Variants in SDK1 observed in about 807,000 individuals in gnomAD.
SDK1 encodes the protein sidekick cell adhesion molecule 1, also known as protein sidekick-1.
SDK1 carries 157 observed loss-of-function variants against 245.5 expected under a neutral mutation model. The ratio of observed to expected loss-of-function variants is 0.64; its 90% confidence interval spans 0.56 to 0.73. The LOEUF (loss-of-function observed/expected upper bound fraction) is 0.73. SDK1 is among the 30% of genes least tolerant of loss of function. The pLI is 0.00. For synonymous variants in SDK1, 1,647 were observed against 1,278.5 expected (o/e 1.29, Z -6.15); for missense variants, 3,583 against 3,002.3 (o/e 1.19, Z -4.52).
chr7:4,061,358 G>C (rs577438903), intron 19 of SDK1, among the ~76,000 whole-genome samples: 2 of 152,004 alleles, frequency 1.3e-5, no homozygotes, highest in African/African-American at 2.4e-5. Flanking sequence ...GGTCCTTCAC[G>C]TCCCTTGAAA....
intron 4 of SDK1, among the ~76,000 whole-genome samples, chr7:3,779,616 A>G (rs1780665600): frequency 6.6e-6 from 1 of 152,190 alleles, no homozygotes; most frequent in Non-Finnish European, 1.5e-5. Flanking sequence ...CAACTAAACT[A>G]AAATATTCAA....
At chr7:3,486,374 A>G (rs905900354) in intron 1 of SDK1, among the ~76,000 whole-genome samples, 1 of 152,048 alleles carries the variant, frequency 6.6e-6, no homozygotes, top group African/African-American at 2.4e-5. Context: ...CCTGGGTTTC[A>G]AATGTGCTGG....
intron 1 of SDK1, among the ~76,000 whole-genome samples, chr7:3,452,818 C>T (rs559734178): frequency 3.3e-5 from 5 of 152,126 alleles, no homozygotes; most frequent in Non-Finnish European, 7.4e-5. Context: ...TGATAAGAGT[C>T]CAATTCCTCT....
At chr7:3,493,195 C>G (rs1781916633) in intron 1 of SDK1, among the ~76,000 whole-genome samples, 1 of 152,254 alleles carries the variant, frequency 6.6e-6, no homozygotes, top group African/African-American at 2.4e-5. Flanking sequence ...TCATAATCCT[C>G]ACACCTCGGC....
At chr7:3,503,897 A>T (rs1782301119) in intron 1 of SDK1, among the ~76,000 whole-genome samples, 1 of 152,026 alleles carries the variant, frequency 6.6e-6, no homozygotes, top group African/African-American at 2.4e-5. Flanking sequence ...CATGCCCGTA[A>T]TCCTAGCACT....
intron 19 of SDK1, among the ~76,000 whole-genome samples, chr7:4,064,848 G>T (rs575164424): frequency 1.6e-4 from 25 of 152,160 alleles, no homozygotes; most frequent in African/African-American, 4.6e-4. Context: ...AGCTTAAAAG[G>T]CCAATCTCAT....
chr7:4,092,772 G>A (rs1037578894), intron 22 of SDK1, among the ~76,000 whole-genome samples: 1 of 152,160 alleles, frequency 6.6e-6, no homozygotes, highest in Non-Finnish European at 1.5e-5. Flanking sequence ...GAACCCATCA[G>A]TTGGGTGTGG....
intron 4 of SDK1, among the ~76,000 whole-genome samples, chr7:3,685,571 T>C (rs1162014864): frequency 1.3e-5 from 2 of 152,210 alleles, no homozygotes; most frequent in African/African-American, 2.4e-5. Context: ...CAAACTTCTG[T>C]TGAGGTTCAT....
chr7:4,144,683 G>A (rs756065150), intron 28 of SDK1, among the ~76,000 whole-genome samples: 5 of 152,056 alleles, frequency 3.3e-5, no homozygotes, highest in Non-Finnish European at 5.9e-5. Context: ...GGGTTCACCC[G>A]GAACAGAGGC....
chr7:3,644,797 A>AAC (rs1554301841), intron 4 of SDK1, among the ~76,000 whole-genome samples: 14,838 of 127,972 alleles, frequency 0.12, 1,073 homozygotes, highest in Non-Finnish European at 0.18. Flanking sequence ...AAAAAACAAA[A>AAC]AACAACAACA....
chr7:3,522,514 T>G (rs1373326482), intron 1 of SDK1, among the ~76,000 whole-genome samples: 1 of 151,644 alleles, frequency 6.6e-6, no homozygotes, highest in African/African-American at 2.4e-5. Context: ...GGATGCAGGG[T>G]GTTTGTCTTG....
chr7:3,427,912 T>C (rs1289856641), intron 1 of SDK1, among the ~76,000 whole-genome samples: 1 of 137,708 alleles, frequency 7.3e-6, no homozygotes, highest in African/African-American at 3.1e-5. Context: ...CGTTAGTGTC[T>C]CTTAGATGTC....
At chr7:4,041,004 T>G (rs2128162337) in intron 17 of SDK1, among the ~76,000 whole-genome samples, 1 of 152,344 alleles carries the variant, frequency 6.6e-6, no homozygotes, top group Non-Finnish European at 1.5e-5. Context: ...CTGTTTTCTG[T>G]TAAAAGGGAA....
At chr7:4,231,718 C>A (rs1785782171) in intron 40 of SDK1, among the ~76,000 whole-genome samples, 1 of 152,186 alleles carries the variant, frequency 6.6e-6, no homozygotes, top group African/African-American at 2.4e-5. Flanking sequence ...GTCTATTCCT[C>A]ATTAACCTGT....
At chr7:4,242,599 A>G (rs974494760) in intron 43 of SDK1, among the ~76,000 whole-genome samples, 4 of 152,114 alleles carry the variant, frequency 2.6e-5, no homozygotes, top group African/African-American at 9.7e-5. Context: ...GGAAAAACCC[A>G]AACACCTGAG....
rs149723885 is a variant in SDK1, at chr7:3,598,414, T to G, written c.299-20666T>G. On this transcript the variant is annotated intron_variant, in intron 1 of 44. Transcript: ENST00000404826. ...TTTTTATTTTTATTTTATTTTGAGA[T>G]CATTGTAGACTCAAATGCAATTGTT... Among the ~76,000 whole-genome samples, 1,289 of 152,328 alleles carry G rather than the reference T, an allele frequency of 8.5e-3. 2 individuals carry two copies. The highest frequency in any genetic ancestry group is 0.015 in the Non-Finnish European group (1,002 of 68,026).
intron 1 of SDK1, among the ~76,000 whole-genome samples, chr7:3,529,472 C>A (rs1783268736): frequency 6.6e-6 from 1 of 152,100 alleles, no homozygotes; most frequent in Non-Finnish European, 1.5e-5. Context: ...TCTCACTGGC[C>A]AAATTTTGGA....
At chr7:3,866,840 G>T (rs1171658025) in intron 5 of SDK1, among the ~76,000 whole-genome samples, 1 of 152,166 alleles carries the variant, frequency 6.6e-6, no homozygotes, top group Non-Finnish European at 1.5e-5. Flanking sequence ...GAAGGACTTT[G>T]ATGTCCAGGC....
At chr7:3,881,333 TAGAAGTG>T (rs1781204614) in intron 5 of SDK1, among the ~76,000 whole-genome samples, 1 of 152,214 alleles carries the variant, frequency 6.6e-6, no homozygotes. Flanking sequence ...AGCTCCCACT[TAGAAGTG>T]AGAACATGAA....
Sources: allele counts gnomAD v4.1 joint callset (sites outside exome capture counted in the v4.1 genomes callset), GRCh38; gene constraint gnomAD v4.1.1; transcripts MANE v1.5; gene names NCBI Gene and HGNC (gene_info 2026-07-23, HGNC 2026-07-21).